Variants in THAP9 observed in about 807,000 individuals in gnomAD.
The protein encoded by THAP9 is DNA transposase THAP9.
In THAP9, 20 loss-of-function variants were observed where a neutral mutation model predicts 35.7. The observed-to-expected ratio is 0.56, with a 90% confidence interval of 0.39 to 0.81. The LOEUF is 0.81. Among genes scored for constraint, THAP9 ranks in the 40% least tolerant of loss-of-function variants. The pLI is 0.00. For synonymous variants in THAP9, 335 were observed against 373.7 expected, an observed-to-expected ratio of 0.90 and a Z score of 1.19; for missense variants, 870 against 1,047.4, an observed-to-expected ratio of 0.83 and a Z score of 2.34.
At chr4:82,905,759 G>A in intron 2 of THAP9, 1 of 406,652 alleles carries the variant, frequency 2.5e-6, no homozygotes. Flanking sequence ...TGGCTGCCAT[G>A]TGTTGAGAGC....
intron 1 of THAP9, among the ~76,000 whole-genome samples, chr4:82,904,361 C>T (rs1368138950): frequency 6.6e-6 from 1 of 152,172 alleles, no homozygotes; most frequent in Non-Finnish European, 1.5e-5. Flanking sequence ...TGCACCCAGC[C>T]AGGCTTCACT....
At chr4:82,912,593 A>G (rs976634069) in intron 4 of THAP9, among the ~76,000 whole-genome samples, 2 of 152,232 alleles carry the variant, frequency 1.3e-5, no homozygotes, top group Non-Finnish European at 2.9e-5. Context: ...AACTTTCGCA[A>G]GGACAGTTTG....
chr4:82,911,542 C>T (rs776588958), intron 4 of THAP9, among the ~76,000 whole-genome samples: 5 of 151,828 alleles, frequency 3.3e-5, no homozygotes, highest in Non-Finnish European at 7.4e-5. Context: ...TGCAGTGAGC[C>T]GAGATTGCAC....
chr4:82,901,284 A>G, intron 1 of THAP9: 1 of 420,018 alleles, frequency 2.4e-6, no homozygotes, highest in Non-Finnish European at 4.8e-6. Flanking sequence ...TGACATTGCA[A>G]GTTCTTAAGT....
rs1464995637 is a variant in THAP9 at position 82,917,418 on chromosome 4, T to C, written c.1206T>C (p.Pro402=). ...ACATGAAATGTACATTTCAGCATCC[T>C]TCATCTTCTAGTCAACAGATTGCAT... ...GDDMKCTFQH[P]SSSSQQIAYF... Residue 402 remains proline (P), a synonymous_variant, in exon 5 of 5, where the codon CCT becomes CCC. Transcript: ENST00000302236. The C allele has an allele frequency of 6.2e-7, 1 of 1,613,914 alleles. No individual in the cohort carries two copies. Among genetic ancestry groups the C allele is most frequent in the Non-Finnish European group, 8.5e-7 (1 of 1,179,972 alleles).
Position 82,918,707 on chromosome 4 carries a change from T to G in THAP9, c.2495T>G (p.Phe832Cys). ...GGAGAAGTGTGTGCCATCAATCACTTTGTCAAGTTGCTAAAGGATATAATA... is the reference window on the plus strand; with the variant it reads ...GGAGAAGTGTGTGCCATCAATCACTGTGTCAAGTTGCTAAAGGATATAATA... ...FDGEVCAINH[F>C]VKLLKDIIIC... is the part of the protein sequence containing the mutation. The change falls in exon 5 of 5, where the codon TTT becomes TGT. Residue 832 changes from phenylalanine (F) to cysteine (C), a missense_variant. Coordinates refer to ENST00000302236, the MANE Select transcript of THAP9 (RefSeq NM_024672.6). The G allele has an allele frequency of 1.9e-6, 3 of 1,613,962 alleles. No individual in the cohort carries two copies. Among genetic ancestry groups the G allele is most frequent in the Non-Finnish European group, 2.5e-6 (3 of 1,179,916 alleles).
In THAP9 at chr4:82,900,787, C is replaced by G. The variant is rs1720293674; in HGVS notation, c.-16C>G. On this transcript the variant is annotated 5_prime_UTR_variant, in exon 1 of 5. Transcript: ENST00000302236. ...GTCGCGGGAACCCCGAAGGTGGGGC[C>G]CCACGTAACAAGAAGATGACCCGAA... 1.2e-6 allele frequency: 2 copies of G among 1,613,608 alleles called. No individual in the cohort carries two copies. The highest frequency in any genetic ancestry group is 1.7e-6 in the Non-Finnish European group (2 of 1,179,986).
At position 82,900,875 on chromosome 4, in the gene THAP9, T is replaced by C. The variant is rs1179451012; in HGVS notation, c.73T>C (p.Phe25Leu). 5 of 1,613,386 alleles carry C rather than the reference T, an allele frequency of 3.1e-6. No homozygotes were observed. In the South Asian group the frequency reaches 4.4e-5, roughly 14 times the overall value. The change falls in exon 1 of 5, where the codon TTC (phenylalanine) becomes CTC (leucine). Residue 25 changes from phenylalanine (F) to leucine (L), a missense_variant. Transcript: ENST00000302236. ...GCTCAGCCGGGAGCGCGGCCTCTCC[T>C]TCCACCAGTGCGTATGGGAGCAGCC... ...TVLSRERGLS[F>L]HQFPTDTIQR...
At chr4:82,908,549 G>A (rs1178705094) in intron 4 of THAP9, among the ~76,000 whole-genome samples, 1 of 152,154 alleles carries the variant, frequency 6.6e-6, no homozygotes, top group African/African-American at 2.4e-5. Flanking sequence ...ATTTAATACT[G>A]AATTCTTAAT....
Position 82,917,648 on chromosome 4 carries a change from C to T in THAP9, c.1436C>T (p.Thr479Ile). The T allele has an allele frequency of 6.2e-7, 1 of 1,613,760 alleles. No homozygotes were observed. The highest frequency in any genetic ancestry group is 1.1e-5 in the South Asian group (1 of 91,040). ...KNHVLKVNSA[T>I]QLFSESVASA... ...CATGTACTGAAAGTGAATAGTGCCA[C>T]CCAACTCTTTAGTGAGAGTGTAGCC... Residue 479 changes from threonine to isoleucine, a missense_variant, in exon 5 of 5, where the codon ACC becomes ATC. Physicochemically the swap from Thr to Ile is moderately conservative, Grantham distance 89. Around this residue, in one of 3 missense-constraint regions of THAP9, gnomAD observed 414 missense variants for 500.8 expected, o/e 0.83. Transcript: ENST00000302236.
chr4:82,901,545 A>AG (rs1288847124), intron 1 of THAP9, among the ~76,000 whole-genome samples: 3 of 152,108 alleles, frequency 2.0e-5, no homozygotes, highest in African/African-American at 7.2e-5. Flanking sequence ...ATGGTTGGAA[A>AG]GGGGGGGTAG....
intron 3 of THAP9, among the ~76,000 whole-genome samples, chr4:82,907,547 G>A (rs2126012868): frequency 6.6e-6 from 1 of 152,218 alleles, no homozygotes; most frequent in Admixed American, 6.5e-5. Context: ...CCACTGAACA[G>A]TAAAACATAA....
chr4:82,903,073 C>G (rs1485282465), intron 1 of THAP9, among the ~76,000 whole-genome samples: 1 of 152,122 alleles, frequency 6.6e-6, no homozygotes, highest in African/African-American at 2.4e-5. Context: ...AAATTTATAC[C>G]AATCTCAGTT....
Position 82,907,767 on chromosome 4 carries a change from A to G in THAP9, c.581-18A>G. ...TTTTACTATTCATCACAAAGAATAA[A>G]AAAATTTATTTTAACAGATTTTAAG... On this transcript the variant is annotated intron_variant, in intron 3 of 4. Coordinates refer to ENST00000302236, the MANE Select transcript of THAP9 (RefSeq NM_024672.6). 6.4e-7 allele frequency: 1 copy of G among 1,559,984 alleles called. No homozygotes were observed. The highest frequency in any genetic ancestry group is 8.6e-7 in the Non-Finnish European group (1 of 1,156,790).
At position 82,900,839 on chromosome 4, in the gene THAP9, C is replaced by G; in HGVS notation, c.37C>G (p.Arg13Gly). The change falls in exon 1 of 5, where the codon CGT (arginine) becomes GGT (glycine). Residue 13 changes from arginine (R) to glycine (G), a missense_variant. Physicochemically the swap from Arg to Gly is moderately radical, Grantham distance 125 (BLOSUM62 -2). This residue lies in a region of THAP9 where 440 missense variants were observed against 501.2 expected (regional missense o/e 0.88). Transcript: ENST00000302236. ...TTGCTCCGCAGTGGGCTGCAGCACC[C>G]GTGACACCGTGCTCAGCCGGGAGCG... ...RSCSAVGCST[R>G]DTVLSRERGL... is the part of the protein sequence containing the mutation. The G allele has an allele frequency of 6.2e-7, 1 of 1,613,596 alleles. No homozygotes were observed.
intron 3 of THAP9, 68 bp from the exon 4 acceptor site, chr4:82,907,717 A>T: frequency 8.4e-7 from 1 of 1,193,832 alleles, no homozygotes; most frequent in Non-Finnish European, 1.2e-6. Context: ...TTTTATATCC[A>T]AATGCTATAA....
chr4:82,908,035 C>T (rs1265889651), intron 4 of THAP9, 100 bp downstream of exon 4: 1 of 1,251,294 alleles, frequency 8.0e-7, no homozygotes, highest in African/African-American at 1.5e-5. Flanking sequence ...CCATATTATT[C>T]TTTTGTTGCA....
At chr4:82,910,048 G>A (rs1720809208) in intron 4 of THAP9, 1 of 152,024 alleles carries the variant, frequency 6.6e-6, no homozygotes, top group African/African-American at 2.4e-5. Flanking sequence ...GTTTATATAA[G>A]AGATTTCAGG....
intron 4 of THAP9, 65 bp from the exon 5 acceptor site, chr4:82,916,879 A>T (rs1721048766): frequency 7.1e-7 from 1 of 1,414,658 alleles, no homozygotes; most frequent in Non-Finnish European, 9.4e-7. Context: ...AATAGTGCTT[A>T]AGGCATTTTC....
Sources: allele counts gnomAD v4.1 joint callset (sites outside exome capture counted in the v4.1 genomes callset), GRCh38; gene constraint gnomAD v4.1.1; regional missense constraint gnomAD v4.1.1; transcripts MANE v1.5; gene names NCBI Gene and HGNC (gene_info 2026-07-23, HGNC 2026-07-21).